Variants in CSMD1 observed in about 807,000 individuals in gnomAD.
The protein encoded by CSMD1 is CUB and Sushi multiple domains 1, also known as CUB and sushi domain-containing protein 1.
CSMD1 carries 213 observed loss-of-function variants against 417.5 expected under a neutral mutation model. The ratio of observed to expected loss-of-function variants is 0.51; its 90% CI spans 0.46 to 0.57. The LOEUF is 0.57. Among genes scored for constraint, CSMD1 ranks in the 20% least tolerant of loss-of-function variants. The probability of loss-of-function intolerance (pLI) is 0.00; values close to 1 mark genes in which losing one functional copy is unlikely to be tolerated. For missense variants in CSMD1, 6,923 were observed against 4,529.7 expected (o/e 1.53, Z -15.17); for synonymous variants, 2,862 against 1,736.8 (o/e 1.65, Z -16.11).
chr8:3,242,076 A>G (rs71502917), intron 26 of CSMD1, among the ~76,000 whole-genome samples: 88,807 of 120,072 alleles, frequency 0.74, 33,910 homozygotes, highest in Non-Finnish European at 0.83. Flanking sequence ...GAGCCTAAAC[A>G]CTATCTGATT....
At chr8:4,656,346 G>T (rs1804229550) in intron 1 of CSMD1, among the ~76,000 whole-genome samples, 1 of 152,004 alleles carries the variant, frequency 6.6e-6, no homozygotes, top group Non-Finnish European at 1.5e-5. Context: ...GGTCAGACCA[G>T]GCATGGTTGT....
intron 2 of CSMD1, among the ~76,000 whole-genome samples, chr8:4,591,486 C>G (rs1032887113): frequency 4.6e-5 from 7 of 152,120 alleles, no homozygotes; most frequent in African/African-American, 1.7e-4. Flanking sequence ...AGCTGTAAAC[C>G]TGCATGGTAG....
At chr8:3,009,166 C>G (rs999511250) in intron 52 of CSMD1, among the ~76,000 whole-genome samples, 2 of 152,208 alleles carry the variant, frequency 1.3e-5, no homozygotes, top group African/African-American at 4.8e-5. Context: ...CTCACCAGGT[C>G]TCCCACACAC....
intron 4 of CSMD1, among the ~76,000 whole-genome samples, chr8:4,009,282 C>G (rs1163409494): frequency 6.6e-6 from 1 of 152,154 alleles, no homozygotes; most frequent in Non-Finnish European, 1.5e-5. Context: ...AAGTGTATTT[C>G]TCAACTCTAG....
At chr8:3,111,261 C>T (rs1011430640) in intron 42 of CSMD1, among the ~76,000 whole-genome samples, 6 of 152,048 alleles carry the variant, frequency 3.9e-5, no homozygotes, top group African/African-American at 9.7e-5. Flanking sequence ...TACCATGAGG[C>T]GGGATATGAT....
intron 1 of CSMD1, among the ~76,000 whole-genome samples, chr8:4,770,056 A>G (rs561968956): frequency 3.3e-5 from 5 of 152,124 alleles, no homozygotes; most frequent in African/African-American, 1.2e-4. Context: ...CAGGAAATAA[A>G]TCACAGAGGA....
chr8:4,794,613 G>A (rs746142588), intron 1 of CSMD1, among the ~76,000 whole-genome samples: 9 of 152,074 alleles, frequency 5.9e-5, no homozygotes, highest in South Asian at 2.1e-4. Context: ...GGGCTGCAAG[G>A]CTGATGTGCT....
At position 3,215,155 on chromosome 8, in the gene CSMD1, G is replaced by C. The variant is rs564064788; in HGVS notation, c.4673-464C>G. On this transcript the variant is annotated intron_variant, in intron 29 of 69. Transcript: ENST00000635120. ...GAATTTGGCTTCTCAAAATGAAACA[G>C]TTTAATTCCTGAAAGTTAAGAGCAC... 9.8e-4 allele frequency among the ~76,000 whole-genome samples: 149 copies of C among 152,284 alleles called. 1 individual carries two copies. Among genetic ancestry groups the C allele is most frequent in the African/African-American group, 3.4e-3 (143 of 41,570 alleles).
intron 3 of CSMD1, among the ~76,000 whole-genome samples, chr8:4,236,318 G>A (rs1462732119): frequency 1.3e-5 from 2 of 152,030 alleles, no homozygotes; most frequent in African/African-American, 4.8e-5. Flanking sequence ...AAACAGTATA[G>A]TATAGTAGTT....
At chr8:4,298,686 T>A (rs1797815312) in intron 3 of CSMD1, among the ~76,000 whole-genome samples, 1 of 152,144 alleles carries the variant, frequency 6.6e-6, no homozygotes, top group South Asian at 2.1e-4. Flanking sequence ...TTCATTTACA[T>A]CTTCAGGCTA....
chr8:4,798,361 A>G (rs1445320653), intron 1 of CSMD1, among the ~76,000 whole-genome samples: 13 of 152,324 alleles, frequency 8.5e-5, no homozygotes, highest in Admixed American at 7.8e-4. Flanking sequence ...TTATGGCTGC[A>G]TAGTATTCCA....
chr8:3,851,641 C>G (rs577514196), intron 5 of CSMD1, among the ~76,000 whole-genome samples: 1 of 152,020 alleles, frequency 6.6e-6, no homozygotes, highest in South Asian at 2.1e-4. Context: ...CTAACTTAAG[C>G]TTTAGGTGAT....
intron 3 of CSMD1, among the ~76,000 whole-genome samples, chr8:4,132,928 T>A (rs1268877722): frequency 1.3e-5 from 2 of 152,072 alleles, no homozygotes; most frequent in African/African-American, 4.8e-5. Flanking sequence ...ATGGTAAAAG[T>A]CATTTATTTA....
chr8:4,210,107 G>T (rs764841174), intron 3 of CSMD1, among the ~76,000 whole-genome samples: 2 of 152,166 alleles, frequency 1.3e-5, no homozygotes, highest in Non-Finnish European at 2.9e-5. Context: ...GAGAGCTCCT[G>T]ATCATTTTCC....
At chr8:4,211,145 C>G (rs891545533) in intron 3 of CSMD1, among the ~76,000 whole-genome samples, 1 of 151,638 alleles carries the variant, frequency 6.6e-6, no homozygotes, top group Non-Finnish European at 1.5e-5. Flanking sequence ...GTTCTAATCA[C>G]TAAATAATTT....
chr8:4,300,311 A>T (rs1018170699), intron 3 of CSMD1, among the ~76,000 whole-genome samples: 1 of 152,202 alleles, frequency 6.6e-6, no homozygotes, highest in African/African-American at 2.4e-5. Context: ...ATATGAGGGG[A>T]CCTCAAAAAG....
At chr8:4,977,798 T>C (rs976486583) in intron 1 of CSMD1, among the ~76,000 whole-genome samples, 1 of 152,262 alleles carries the variant, frequency 6.6e-6, no homozygotes, top group Admixed American at 6.5e-5. Context: ...ACATTTGGCA[T>C]ACTGCAGCGC....
chr8:3,974,615 C>T (rs1813302910), intron 5 of CSMD1, among the ~76,000 whole-genome samples: 1 of 151,760 alleles, frequency 6.6e-6, no homozygotes, highest in Non-Finnish European at 1.5e-5. Flanking sequence ...TTTTACTAAA[C>T]ATTCAGTAAT....
chr8:3,607,146 C>G (rs902267872), intron 8 of CSMD1, among the ~76,000 whole-genome samples: 13 of 152,130 alleles, frequency 8.5e-5, no homozygotes, highest in African/African-American at 3.1e-4. Flanking sequence ...GTTCTTTTTA[C>G]TTTCTAAACC....
Sources: gnomAD v4.1 joint callset for allele counts (sites outside exome capture counted in the v4.1 genomes callset) on GRCh38, gnomAD v4.1.1 for gene constraint, MANE v1.5 for transcripts, NCBI Gene and HGNC (gene_info 2026-07-23, HGNC 2026-07-21) for gene names.